ADGRL4: variants seen among roughly 807,000 people sequenced by gnomAD.
ADGRL4 encodes the protein adhesion G protein-coupled receptor L4, also known as EGF, latrophilin and seven transmembrane domain containing 1.
ADGRL4 carries 90 observed loss-of-function variants against 74.8 expected under a neutral mutation model. That is an observed-to-expected ratio of 1.20 (90% CI 1.02 to 1.43). The LOEUF (loss-of-function observed/expected upper bound fraction) is 1.43. Among genes scored for constraint, ADGRL4 ranks in the 40% most tolerant of loss-of-function variants. The pLI, the probability that ADGRL4 is intolerant of heterozygous loss-of-function variation, is 0.00. For synonymous variants in ADGRL4, 311 were observed against 279.2 expected (o/e 1.11, Z -1.14); for missense variants, 881 against 814.3 (o/e 1.08, Z -1.00).
intron 2 of ADGRL4, among the ~76,000 whole-genome samples, chr1:78,965,800 T>A (rs1650044271): frequency 6.6e-6 from 1 of 152,148 alleles, no homozygotes; most frequent in African/African-American, 2.4e-5. Context: ...AGTACAGACA[T>A]CTTAAGTCAC....
rs1648905018 is a variant in ADGRL4, at chr1:78,917,619, T to C, written c.1749+15A>G. 4 of 1,544,408 alleles carry C rather than the reference T, an allele frequency of 2.6e-6. No individual in the cohort carries two copies. In the East Asian group the frequency reaches 9.1e-5, roughly 35 times the overall value. On this transcript the variant is annotated intron_variant, in intron 12 of 14. Coordinates refer to ENST00000370742, the MANE Select transcript of ADGRL4 (RefSeq NM_022159.4). ...CACTTTTTTGAATTGTAATAACAAT[T>C]TTATATATACATACAAGAATGATTA... is the stretch of plus-strand genomic sequence containing the variant.
chr1:78,916,006 CAT>C (rs1648862034), intron 12 of ADGRL4, among the ~76,000 whole-genome samples: 1 of 151,764 alleles, frequency 6.6e-6, no homozygotes, highest in Non-Finnish European at 1.5e-5. Context: ...AAATGATTAT[CAT>C]ACAGAGACTG....
chr1:78,999,245 A>G (rs1242628615), intron 2 of ADGRL4, among the ~76,000 whole-genome samples: 1 of 152,186 alleles, frequency 6.6e-6, no homozygotes, highest in Non-Finnish European at 1.5e-5. Context: ...AATATTGACA[A>G]AAGAGTAGAA....
At chr1:78,949,750 C>A (rs914701186) in intron 2 of ADGRL4, among the ~76,000 whole-genome samples, 1 of 152,080 alleles carries the variant, frequency 6.6e-6, no homozygotes, top group Non-Finnish European at 1.5e-5. Flanking sequence ...AGTTATACTA[C>A]CTAATCCCTG....
intron 2 of ADGRL4, among the ~76,000 whole-genome samples, chr1:78,972,565 T>G (rs1051223199): frequency 6.6e-6 from 1 of 152,178 alleles, no homozygotes; most frequent in African/African-American, 2.4e-5. Context: ...AGAACACTGA[T>G]ATGCATTTGT....
Position 79,005,114 on chromosome 1 carries a change from T to G in ADGRL4, c.128A>C (p.Tyr43Ser). 6.2e-7 allele frequency: 1 copy of G among 1,612,894 alleles called. No individual in the cohort carries two copies. The highest frequency in any genetic ancestry group is 1.1e-5 in the South Asian group (1 of 90,632). The change falls in exon 2 of 15, where the codon TAT becomes TCT. Residue 43 changes from tyrosine (Y) to serine (S), a missense_variant. Physicochemically the swap from Tyr to Ser is moderately radical, Grantham distance 144 (BLOSUM62 -2). Transcript: ENST00000370742. ...ATTTCCTGAAAATCCCATGTTGCAA[T>G]AGCAGGCTTCAATTCCATTGCGTAT... is the stretch of plus-strand genomic sequence containing the variant. ...CEIRNGIEAC[Y>S]CNMGFSGNGV...
chr1:78,951,507 CTGT>C (rs1649721693), intron 2 of ADGRL4, among the ~76,000 whole-genome samples: 1 of 152,058 alleles, frequency 6.6e-6, no homozygotes, highest in Admixed American at 6.6e-5. Flanking sequence ...CATTTTGTTT[CTGT>C]TGTTGATGGT....
intron 12 of ADGRL4, among the ~76,000 whole-genome samples, chr1:78,901,589 G>A (rs962366970): frequency 9.2e-5 from 14 of 152,102 alleles, no homozygotes; most frequent in African/African-American, 2.7e-4. Context: ...GCCAGCACCT[G>A]TTAAACACTT....
chr1:78,968,518 G>A (rs1570261705), intron 2 of ADGRL4, among the ~76,000 whole-genome samples: 1 of 72,728 alleles, frequency 1.4e-5, no homozygotes, highest in South Asian at 5.9e-4. Context: ...GGGTGGGGGG[G>A]AGACGGGGGT....
chr1:78,970,733 CTT>C (rs1362089639), intron 2 of ADGRL4, among the ~76,000 whole-genome samples: 1 of 152,146 alleles, frequency 6.6e-6, no homozygotes, highest in East Asian at 1.9e-4. Flanking sequence ...GAAAAAATCT[CTT>C]TGTTTTTCCC....
At chr1:78,986,061 C>T (rs573213389) in intron 2 of ADGRL4, among the ~76,000 whole-genome samples, 1 of 151,744 alleles carries the variant, frequency 6.6e-6, no homozygotes, top group Admixed American at 6.6e-5. Flanking sequence ...CGAAAAACTG[C>T]TTATCAGGTA....
intron 2 of ADGRL4, among the ~76,000 whole-genome samples, chr1:78,989,584 C>T (rs79682530): frequency 0.019 from 2,951 of 151,478 alleles, 53 homozygotes; most frequent in Non-Finnish European, 0.031. Flanking sequence ...CCGAAGTGCC[C>T]GTTATGTGTT....
chr1:78,969,287 G>A (rs545770992), intron 2 of ADGRL4, among the ~76,000 whole-genome samples: 20 of 152,110 alleles, frequency 1.3e-4, no homozygotes, highest in East Asian at 3.8e-4. Context: ...GTAGAAACTC[G>A]TTGTTTTATC....
intron 2 of ADGRL4, among the ~76,000 whole-genome samples, chr1:78,956,758 T>G (rs956607050): frequency 6.6e-5 from 10 of 152,134 alleles, no homozygotes; most frequent in Non-Finnish European, 1.5e-4. Context: ...TAAAAACCCT[T>G]GTAAATAATG....
intron 12 of ADGRL4, among the ~76,000 whole-genome samples, chr1:78,893,655 G>A (rs917264270): frequency 6.6e-6 from 1 of 151,876 alleles, no homozygotes; most frequent in African/African-American, 2.4e-5. Flanking sequence ...GTGAGGAAAT[G>A]TTTGAATGTA....
intron 2 of ADGRL4, among the ~76,000 whole-genome samples, chr1:78,999,839 T>TAC (rs1553140937): frequency 0.029 from 3,268 of 111,504 alleles, 50 homozygotes; most frequent in African/African-American, 0.034. Flanking sequence ...TATCTATCTA[T>TAC]CTACCTACCT....
intron 2 of ADGRL4, among the ~76,000 whole-genome samples, chr1:78,973,742 C>T (rs1027524920): frequency 6.7e-6 from 1 of 149,116 alleles, no homozygotes; most frequent in African/African-American, 2.5e-5. Flanking sequence ...TGCTTATTAT[C>T]CTTCTTAACT....
intron 2 of ADGRL4, among the ~76,000 whole-genome samples, chr1:78,977,275 A>G (rs546389967): frequency 6.6e-6 from 1 of 152,006 alleles, no homozygotes; most frequent in Non-Finnish European, 1.5e-5. Context: ...AAACTTTACC[A>G]AAGGACATCC....
At chr1:78,905,389 AT>A (rs1648614941) in intron 12 of ADGRL4, among the ~76,000 whole-genome samples, 1 of 152,056 alleles carries the variant, frequency 6.6e-6, no homozygotes, top group Non-Finnish European at 1.5e-5. Context: ...TTAATCCATT[AT>A]GAAATTCTGG....
Sources: allele counts gnomAD v4.1 joint callset (sites outside exome capture counted in the v4.1 genomes callset), GRCh38; gene constraint gnomAD v4.1.1; transcripts MANE v1.5; gene names NCBI Gene and HGNC (gene_info 2026-07-23, HGNC 2026-07-21).